The following AKAP6 variants were observed in gnomAD, a reference collection of about 807,000 sequenced individuals.
AKAP6 encodes the protein A-kinase anchoring protein 6, also known as A-kinase anchor protein 6.
AKAP6 carries 58 observed loss-of-function variants against 188.5 expected under a neutral mutation model. That is an observed-to-expected ratio of 0.31 (90% CI 0.25 to 0.38). The LOEUF is 0.38. Among genes scored for constraint, AKAP6 ranks in the 10% least tolerant of loss-of-function variants. The pLI is 1.00. For synonymous variants in AKAP6, 989 were observed against 998.6 expected (o/e 0.99, Z 0.18); for missense variants, 2,710 against 2,740.0 (o/e 0.99, Z 0.24).
intron 7 of AKAP6, among the ~76,000 whole-genome samples, chr14:32,661,073 A>T (rs1210714477): frequency 2.0e-5 from 3 of 151,732 alleles, no homozygotes; most frequent in Non-Finnish European, 4.4e-5. Flanking sequence ...TCATTTTGGG[A>T]AATGTAGAGA....
chr14:32,792,670 T>C (rs934865294), intron 12 of AKAP6, among the ~76,000 whole-genome samples: 1 of 152,194 alleles, frequency 6.6e-6, no homozygotes, highest in African/African-American at 2.4e-5. Flanking sequence ...ATAGGAGTGG[T>C]GAGAGAAGGC....
intron 5 of AKAP6, among the ~76,000 whole-genome samples, chr14:32,595,299 TG>T (rs1477189572): frequency 2.6e-5 from 4 of 152,050 alleles, no homozygotes; most frequent in Non-Finnish European, 4.4e-5. Flanking sequence ...CCATAGCTGC[TG>T]TCTCTCCTGC....
chr14:32,615,861 T>C (rs927662410), intron 7 of AKAP6, among the ~76,000 whole-genome samples: 2 of 152,164 alleles, frequency 1.3e-5, no homozygotes, highest in African/African-American at 2.4e-5. Context: ...CCCAAAGTGC[T>C]GGGATTACAG....
At chr14:32,332,962 T>C (rs1034579998) in intron 1 of AKAP6, among the ~76,000 whole-genome samples, 1 of 152,150 alleles carries the variant, frequency 6.6e-6, no homozygotes, top group African/African-American at 2.4e-5. Context: ...AGCGTCATTA[T>C]TGGGCTCTAA....
intron 4 of AKAP6, among the ~76,000 whole-genome samples, chr14:32,558,525 A>C (rs1159643219): frequency 6.6e-6 from 1 of 152,222 alleles, no homozygotes; most frequent in African/African-American, 2.4e-5. Context: ...AGGAGGCATA[A>C]TGTTAGTGAC....
At chr14:32,403,726 C>A (rs926536266) in intron 1 of AKAP6, among the ~76,000 whole-genome samples, 8 of 152,186 alleles carry the variant, frequency 5.3e-5, no homozygotes, top group African/African-American at 1.9e-4. Context: ...CAGTGCTTTG[C>A]ACACATATTA....
rs140208339 is a variant in AKAP6 at position 32,705,880 on chromosome 14, G to T, written c.3000+9770G>T. On this transcript the variant is annotated intron_variant, in intron 9 of 13. Transcript: ENST00000280979. ...AAATATTCCCTTACTATGGTAGAGA[G>T]AAAAGGGAGCTCTAGCGGGTCTCAC... 7.0e-3 allele frequency among the ~76,000 whole-genome samples: 1,059 copies of T among 152,278 alleles called. 3 individuals carry two copies. The highest frequency in any genetic ancestry group is 0.014 in the Middle Eastern group (4 of 294).
chr14:32,432,419 T>A (rs1027923431), intron 1 of AKAP6, among the ~76,000 whole-genome samples: 1 of 152,220 alleles, frequency 6.6e-6, no homozygotes, highest in African/African-American at 2.4e-5. Context: ...TGAATTACAC[T>A]TATGTTATTT....
intron 12 of AKAP6, among the ~76,000 whole-genome samples, chr14:32,805,848 G>A (rs2034074938): frequency 6.7e-6 from 1 of 149,316 alleles, no homozygotes. Context: ...TAGACATCCA[G>A]GGGGTTAACA....
chr14:32,363,537 TG>T (rs1176874809), intron 1 of AKAP6, among the ~76,000 whole-genome samples: 1 of 152,126 alleles, frequency 6.6e-6, no homozygotes, highest in Non-Finnish European at 1.5e-5. Context: ...AAATCACTGG[TG>T]TAAGTCCAAG....
intron 12 of AKAP6, among the ~76,000 whole-genome samples, chr14:32,778,460 A>T (rs1441001319): frequency 6.6e-6 from 1 of 152,098 alleles, no homozygotes; most frequent in African/African-American, 2.4e-5. Flanking sequence ...GTGGTATAAT[A>T]TCATTTAAAG....
intron 2 of AKAP6, among the ~76,000 whole-genome samples, chr14:32,522,265 G>C (rs999434279): frequency 3.9e-5 from 6 of 152,154 alleles, no homozygotes; most frequent in African/African-American, 1.4e-4. Context: ...TACCATTCAG[G>C]ACATAGGCAT....
intron 1 of AKAP6, among the ~76,000 whole-genome samples, chr14:32,409,409 G>GT (rs1030908334): frequency 1.3e-5 from 2 of 152,056 alleles, no homozygotes; most frequent in African/African-American, 4.8e-5. Flanking sequence ...GAGAAAAACA[G>GT]TTTTTTTCCC....
chr14:32,596,065 G>A (rs144690049), intron 5 of AKAP6, among the ~76,000 whole-genome samples: 8 of 152,202 alleles, frequency 5.3e-5, no homozygotes, highest in African/African-American at 1.9e-4. Flanking sequence ...ATGGAACTCA[G>A]TGCACCTGGC....
rs185279577 is a variant in AKAP6 at position 32,689,736 on chromosome 14, C to G, written c.2880-6254C>G. On this transcript the variant is annotated intron_variant, in intron 8 of 13. Coordinates refer to ENST00000280979, the MANE Select transcript of AKAP6 (RefSeq NM_004274.5). ...ATATCTCCCTTCTGTGCTTATATGA[C>G]ACATGGAGTAGAGGATGATGGGAAA... 4.1e-3 allele frequency among the ~76,000 whole-genome samples: 625 copies of G among 152,144 alleles called. 4 individuals are homozygous for G. Among genetic ancestry groups the G allele is most frequent in the Non-Finnish European group, 5.8e-3 (391 of 67,968 alleles).
At chr14:32,702,903 G>A (rs1180446199) in intron 9 of AKAP6, among the ~76,000 whole-genome samples, 1 of 150,748 alleles carries the variant, frequency 6.6e-6, no homozygotes, top group Non-Finnish European at 1.5e-5. Flanking sequence ...ATGTGACCAC[G>A]CTTAATCACA....
At position 32,431,566 on chromosome 14, in the gene AKAP6, G is replaced by C. The variant is rs183031215; in HGVS notation, c.-34-1894G>C. Among the ~76,000 whole-genome samples, 2 of 152,232 alleles carry C rather than the reference G, an allele frequency of 1.3e-5. 1 individual carries two copies. The highest frequency in any genetic ancestry group is 1.3e-4 in the Admixed American group (2 of 15,294). On this transcript the variant is annotated intron_variant, in intron 1 of 13. Coordinates refer to ENST00000280979, the MANE Select transcript of AKAP6 (RefSeq NM_004274.5). ...CTTGTTGCCCAGGCTAGAGTGCAAT[G>C]GTGCAATCTCGGCTCAGCTCACTGC...
intron 2 of AKAP6, among the ~76,000 whole-genome samples, chr14:32,480,175 G>A (rs1051481969): frequency 9.9e-5 from 15 of 152,274 alleles, no homozygotes; most frequent in Middle Eastern, 3.4e-3. Context: ...ATAGAGAGCT[G>A]CTTGACTGAG....
intron 2 of AKAP6, among the ~76,000 whole-genome samples, chr14:32,440,055 A>G (rs2138731151): frequency 6.6e-6 from 1 of 152,356 alleles, no homozygotes; most frequent in Admixed American, 6.5e-5. Flanking sequence ...TAAACAATGA[A>G]TTAGAAAAGG....
Sources: allele counts gnomAD v4.1 joint callset (sites outside exome capture counted in the v4.1 genomes callset), GRCh38; gene constraint gnomAD v4.1.1; transcripts MANE v1.5; gene names NCBI Gene and HGNC (gene_info 2026-07-23, HGNC 2026-07-21).